The following ANAPC1 variants were observed in gnomAD, a reference collection of about 807,000 sequenced individuals.
ANAPC1 encodes the protein anaphase promoting complex subunit 1.
ANAPC1 carries 36 observed loss-of-function variants against 208.0 expected under a neutral mutation model. The ratio of observed to expected loss-of-function variants is 0.17; its 90% CI spans 0.13 to 0.23. The LOEUF (loss-of-function observed/expected upper bound fraction) is 0.23. ANAPC1 is among the 10% of genes least tolerant of loss of function. ANAPC1 has a pLI of 1.00. For synonymous variants in ANAPC1, 378 were observed against 695.2 expected (o/e 0.54, Z 7.18); for missense variants, 942 against 2,011.6 (o/e 0.47, Z 10.17).
chr2:111,853,789 T>C (rs1681544169), intron 13 of ANAPC1, among the ~76,000 whole-genome samples: 1 of 152,040 alleles, frequency 6.6e-6, no homozygotes, highest in Non-Finnish European at 1.5e-5. Flanking sequence ...TAATCTCGGC[T>C]CACTGCAAGC....
chr2:111,842,485 T>C (rs2104493534), intron 17 of ANAPC1, among the ~76,000 whole-genome samples: 1 of 151,774 alleles, frequency 6.6e-6, no homozygotes, highest in East Asian at 1.9e-4. Flanking sequence ...CTACTAAAAA[T>C]ACAAAAAATC....
rs556222466 is a variant in ANAPC1, at chr2:111,769,529, T to A, written c.5720-123A>T. 1.1e-3 allele frequency: 699 copies of A among 610,602 alleles called. No individual in the cohort carries two copies. The African/African-American group carries it at 0.012, about 11-fold the overall frequency. 37.8% of individuals were successfully genotyped at this position (610,602 alleles called of 1,614,324 possible). A position where few individuals can be genotyped will look rare whatever the true frequency, so the allele number is the denominator to read the frequency against. ...AGGCATTTTTCCCTTTGAAAATGAC[T>A]ATGCAAAGACAATATTTAAAATTAT... On this transcript the variant is annotated intron_variant, in intron 47 of 47. Coordinates refer to ENST00000341068, the MANE Select transcript of ANAPC1 (RefSeq NM_022662.4).
At chr2:111,837,543 C>T (rs1171523726) in intron 18 of ANAPC1, among the ~76,000 whole-genome samples, 1 of 151,960 alleles carries the variant, frequency 6.6e-6, no homozygotes, top group African/African-American at 2.4e-5. Flanking sequence ...TAGCTTCAAC[C>T]CAGGAGGTGG....
At chr2:111,821,691 T>C (rs1183877278) in intron 25 of ANAPC1, 4 of 443,688 alleles carry the variant, frequency 9.0e-6, no homozygotes, top group Non-Finnish European at 1.7e-5. Flanking sequence ...CCCAGCACTT[T>C]GGGAGGCCGA....
At chr2:111,872,871 A>C in intron 5 of ANAPC1, 159 bp from the exon 6 acceptor site, 1 of 604,458 alleles carries the variant, frequency 1.7e-6, no homozygotes, top group Non-Finnish European at 3.0e-6. Flanking sequence ...AAAGTAATAC[A>C]AATAAGCAAC....
intron 38 of ANAPC1, among the ~76,000 whole-genome samples, chr2:111,791,829 AC>A (rs2104527259): frequency 6.6e-6 from 1 of 151,084 alleles, no homozygotes; most frequent in South Asian, 2.1e-4. Flanking sequence ...ATCTTGATCT[AC>A]ATGATAACAA....
intron 17 of ANAPC1, among the ~76,000 whole-genome samples, chr2:111,838,979 CTT>C (rs1029155566): frequency 5.9e-5 from 9 of 152,284 alleles, no homozygotes; most frequent in African/African-American, 1.9e-4. Context: ...TCTGGAAAAT[CTT>C]TTTTCTCCTC....
chr2:111,792,260 T>G, intron 38 of ANAPC1, 102 bp downstream of exon 38: 1 of 696,586 alleles, frequency 1.4e-6, no homozygotes, highest in East Asian at 2.8e-5. Flanking sequence ...TAAGAGCTAG[T>G]CAGAATTTAA....
intron 33 of ANAPC1, among the ~76,000 whole-genome samples, chr2:111,801,227 C>T (rs1235875909): frequency 2.8e-4 from 42 of 151,712 alleles, no homozygotes; most frequent in South Asian, 2.1e-4. Context: ...CATGGTGGCA[C>T]ACGCCTGTAG....
At chr2:111,783,259 C>G in intron 42 of ANAPC1, among the ~76,000 whole-genome samples, 2 of 152,162 alleles carry the variant, frequency 1.3e-5, no homozygotes, top group Non-Finnish European at 2.9e-5. Context: ...GTGTCCCCAC[C>G]CAAATCTCAT....
Position 111,864,453 on chromosome 2 carries a change from T to C in ANAPC1, c.831+353A>G, listed in dbSNP as rs968532158. Among the ~76,000 whole-genome samples the C allele has an allele frequency of 3.1e-4, 39 of 127,110 alleles. 3 individuals are homozygous for C. The highest frequency in any genetic ancestry group is 6.0e-4 in the Non-Finnish European group (36 of 60,496). 83.4% of individuals were successfully genotyped at this position (127,110 alleles called of 152,430 possible). ...ATGAAGTATTAACTACTCTTTCATA[T>C]ATATATATACTTTTTTTTTTTTTTT... On this transcript the variant is annotated intron_variant, in intron 8 of 47. Transcript: ENST00000341068.
At chr2:111,865,015 A>G in intron 7 of ANAPC1, 64 bp from the exon 8 acceptor site, 1 of 1,507,696 alleles carries the variant, frequency 6.6e-7, no homozygotes, top group Non-Finnish European at 8.8e-7. Flanking sequence ...ATATTTATGA[A>G]CAGAGCTCTT....
At chr2:111,851,531 G>A (rs1558720915) in intron 13 of ANAPC1, among the ~76,000 whole-genome samples, 4 of 152,146 alleles carry the variant, frequency 2.6e-5, no homozygotes, top group Non-Finnish European at 5.9e-5. Context: ...CAGCGGCCGG[G>A]CGCGGTGGCT....
intron 16 of ANAPC1, among the ~76,000 whole-genome samples, chr2:111,845,354 C>A (rs2104503385): frequency 6.6e-6 from 1 of 152,252 alleles, no homozygotes; most frequent in Non-Finnish European, 1.5e-5. Context: ...CTGGGCCCAC[C>A]CTCATCAACA....
chr2:111,871,054 A>G (rs1027902098), intron 6 of ANAPC1, among the ~76,000 whole-genome samples: 1 of 152,146 alleles, frequency 6.6e-6, no homozygotes, highest in African/African-American at 2.4e-5. Flanking sequence ...CCATTGGTCT[A>G]TGTGCCTACT....
intron 3 of ANAPC1, among the ~76,000 whole-genome samples, chr2:111,875,632 C>CTTTGGAAGAT (rs1682984177): frequency 2.0e-5 from 3 of 152,190 alleles, no homozygotes; most frequent in Non-Finnish European, 4.4e-5. Flanking sequence ...GCAATCTCTT[C>CTTTGGAAGAT]TCAAAACACA....
chr2:111,779,694 T>C (rs967398144), intron 44 of ANAPC1: 3 of 153,196 alleles, frequency 2.0e-5, no homozygotes, highest in Non-Finnish European at 4.3e-5. Flanking sequence ...TTTAAAAAAG[T>C]AGCCAGGCAT....
intron 47 of ANAPC1, among the ~76,000 whole-genome samples, chr2:111,770,900 T>G (rs1030183312): frequency 6.6e-6 from 1 of 151,864 alleles, no homozygotes; most frequent in African/African-American, 2.4e-5. Context: ...TCTGTTTCTA[T>G]TATCTGTTTT....
chr2:111,829,948 T>G (rs1442147720), intron 21 of ANAPC1, among the ~76,000 whole-genome samples: 1 of 152,046 alleles, frequency 6.6e-6, no homozygotes, highest in African/African-American at 2.4e-5. Context: ...TGGGATCCTG[T>G]AATCCCAGCT....
Sources: allele counts gnomAD v4.1 joint callset (sites outside exome capture counted in the v4.1 genomes callset), GRCh38; gene constraint gnomAD v4.1.1; transcripts MANE v1.5; gene names NCBI Gene and HGNC (gene_info 2026-07-23, HGNC 2026-07-21).